Variants in MBD5 observed in about 807,000 individuals in gnomAD.
MBD5 encodes the protein methyl-CpG-binding domain protein 5.
MBD5 carries 13 observed loss-of-function variants against 117.3 expected under a neutral mutation model. The ratio of observed to expected loss-of-function variants is 0.11; its 90% CI spans 0.07 to 0.18. The LOEUF is 0.18. Among genes scored for constraint, MBD5 ranks in the 10% least tolerant of loss-of-function variants. MBD5 has a pLI of 1.00. For missense variants in MBD5, 1,879 were observed against 2,093.8 expected (o/e 0.90, Z 2.00); for synonymous variants, 727 against 766.4 (o/e 0.95, Z 0.85).
intron 1 of MBD5, among the ~76,000 whole-genome samples, chr2:148,023,957 A>G (rs1693834344): frequency 6.6e-6 from 1 of 152,106 alleles, no homozygotes; most frequent in Non-Finnish European, 1.5e-5. Flanking sequence ...AGGTCACTTT[A>G]TCCAACTCTA....
At chr2:148,396,088 C>T (rs1281808737) in intron 4 of MBD5, among the ~76,000 whole-genome samples, 1 of 152,152 alleles carries the variant, frequency 6.6e-6, no homozygotes, top group African/African-American at 2.4e-5. Context: ...GCTGTGTTCA[C>T]ATTCTCATCT....
chr2:148,455,565 C>T (rs1706855622), intron 4 of MBD5, among the ~76,000 whole-genome samples: 1 of 151,918 alleles, frequency 6.6e-6, no homozygotes, highest in African/African-American at 2.4e-5. Context: ...GATGTTTGTC[C>T]CAGAACCATG....
At chr2:148,285,947 C>A (rs1701358800) in intron 3 of MBD5, among the ~76,000 whole-genome samples, 1 of 151,880 alleles carries the variant, frequency 6.6e-6, no homozygotes, top group South Asian at 2.1e-4. Context: ...TCATTTTTTT[C>A]TACTTATTCT....
intron 4 of MBD5, among the ~76,000 whole-genome samples, chr2:148,355,488 T>G (rs1325513105): frequency 6.6e-6 from 1 of 152,144 alleles, no homozygotes; most frequent in Admixed American, 6.5e-5. Context: ...CAGTTTCTGT[T>G]TTCTGCATAT....
chr2:148,207,638 T>A (rs964723105), intron 2 of MBD5, among the ~76,000 whole-genome samples: 2 of 150,634 alleles, frequency 1.3e-5, no homozygotes, highest in Non-Finnish European at 2.9e-5. Context: ...CTGGCGTGAC[T>A]ATTATTTAAC....
chr2:148,227,369 G>T (rs867095677), intron 2 of MBD5, among the ~76,000 whole-genome samples: 2 of 152,160 alleles, frequency 1.3e-5, no homozygotes, highest in Admixed American at 1.3e-4. Flanking sequence ...ATTAAATAGG[G>T]AATCCTTTCC....
At chr2:148,396,180 ATCTTCCAGTT>A (rs1704708637) in intron 4 of MBD5, among the ~76,000 whole-genome samples, 1 of 152,156 alleles carries the variant, frequency 6.6e-6, no homozygotes, top group Non-Finnish European at 1.5e-5. Flanking sequence ...GGAACCAGTG[ATCTTCCAGTT>A]GTCATATCCA....
intron 8 of MBD5, among the ~76,000 whole-genome samples, chr2:148,478,440 G>A (rs1424109364): frequency 6.6e-6 from 1 of 151,942 alleles, no homozygotes; most frequent in East Asian, 1.9e-4. Flanking sequence ...AAAGTTAGCC[G>A]GGCGTGCCTC....
chr2:148,481,362 G>C (rs1004518624), intron 8 of MBD5, among the ~76,000 whole-genome samples: 2 of 152,040 alleles, frequency 1.3e-5, no homozygotes, highest in Non-Finnish European at 2.9e-5. Context: ...TCATATTACT[G>C]TTACAACTAT....
chr2:148,422,017 T>G (rs566596448), intron 4 of MBD5, among the ~76,000 whole-genome samples: 6 of 152,232 alleles, frequency 3.9e-5, no homozygotes, highest in East Asian at 3.9e-4. Flanking sequence ...TCAGCAGACT[T>G]AAATGTCCCT....
chr2:148,023,096 T>G (rs1486893363), intron 1 of MBD5, among the ~76,000 whole-genome samples: 3 of 152,020 alleles, frequency 2.0e-5, no homozygotes, highest in Admixed American at 6.5e-5. Context: ...CCTTTTTTTT[T>G]TTTTTGTAAC....
chr2:148,305,259 A>C, intron 3 of MBD5, among the ~76,000 whole-genome samples: 1 of 152,120 alleles, frequency 6.6e-6, no homozygotes, highest in African/African-American at 2.4e-5. Context: ...CGTTTAGTCA[A>C]AGGAGAGAGT....
At chr2:148,141,854 G>A (rs571926336) in intron 1 of MBD5, among the ~76,000 whole-genome samples, 4 of 151,834 alleles carry the variant, frequency 2.6e-5, no homozygotes, top group African/African-American at 4.8e-5. Context: ...GCTTACATCC[G>A]TAATCCCACA....
chr2:148,221,037 T>C (rs1397071661), intron 2 of MBD5, among the ~76,000 whole-genome samples: 1 of 152,168 alleles, frequency 6.6e-6, no homozygotes, highest in Non-Finnish European at 1.5e-5. Context: ...ACATGCTTTG[T>C]CTTTCTGTCC....
At chr2:148,025,561 A>C (rs1026821164) in intron 1 of MBD5, 2 of 150,804 alleles carry the variant, frequency 1.3e-5, no homozygotes, top group Non-Finnish European at 3.0e-5. Flanking sequence ...AAAAAAAAAA[A>C]CACCCCAAAC....
intron 3 of MBD5, among the ~76,000 whole-genome samples, chr2:148,305,212 T>C (rs1701865563): frequency 6.6e-6 from 1 of 152,174 alleles, no homozygotes; most frequent in African/African-American, 2.4e-5. Flanking sequence ...AGCCCAAGAT[T>C]GAAGCCTTGT....
chr2:148,399,033 C>G (rs1704828871), intron 4 of MBD5, among the ~76,000 whole-genome samples: 1 of 152,158 alleles, frequency 6.6e-6, no homozygotes, highest in Non-Finnish European at 1.5e-5. Flanking sequence ...GGTACCAGCA[C>G]CATGCTGTTT....
intron 3 of MBD5, among the ~76,000 whole-genome samples, chr2:148,267,119 A>AG (rs1700877478): frequency 1.3e-5 from 2 of 152,162 alleles, no homozygotes; most frequent in Admixed American, 1.3e-4. Context: ...GGAGGTGATG[A>AG]GGGGTGTGAG....
At chr2:148,157,383 T>C (rs1027378060) in intron 1 of MBD5, among the ~76,000 whole-genome samples, 2 of 152,084 alleles carry the variant, frequency 1.3e-5, no homozygotes, top group Middle Eastern at 3.4e-3. Flanking sequence ...AATTTCTGGT[T>C]ATTGTTTTTT....
Sources: allele counts gnomAD v4.1 joint callset (sites outside exome capture counted in the v4.1 genomes callset), GRCh38; gene constraint gnomAD v4.1.1; transcripts MANE v1.5; gene names NCBI Gene and HGNC (gene_info 2026-07-23, HGNC 2026-07-21).